The following RERG variants were observed in gnomAD, a reference collection of about 807,000 sequenced individuals.
RERG encodes the protein ras-related and estrogen-regulated growth inhibitor.
A neutral mutation model predicts 23.2 loss-of-function variants in RERG; 25 were observed. The ratio of observed to expected loss-of-function variants is 1.08; its 90% CI spans 0.79 to 1.50. The LOEUF (loss-of-function observed/expected upper bound fraction) is 1.50. Among genes scored for constraint, RERG ranks in the 40% most tolerant of loss-of-function variants. The pLI, the probability that RERG is intolerant of heterozygous loss-of-function variation, is 0.00. For missense variants in RERG, 253 were observed against 250.1 expected, an observed-to-expected ratio of 1.01 and a Z score of -0.08; for synonymous variants, 81 against 89.1, an observed-to-expected ratio of 0.91 and a Z score of 0.51.
intron 2 of RERG, among the ~76,000 whole-genome samples, chr12:15,178,748 C>T (rs1864885848): frequency 6.6e-6 from 1 of 152,152 alleles, no homozygotes; most frequent in Admixed American, 6.5e-5. Context: ...ACAGGAACAA[C>T]CTCCAAGTTC....
At chr12:15,120,632 G>C (rs1270078711) in intron 3 of RERG, among the ~76,000 whole-genome samples, 1 of 152,060 alleles carries the variant, frequency 6.6e-6, no homozygotes, top group African/African-American at 2.4e-5. Context: ...GGATGTATTG[G>C]AGAGAAGAAA....
rs34755371 is a variant in RERG at position 15,139,014 on chromosome 12, C to CTTTTTTTTTT, written c.62-17905_62-17896dup. ...TGAAAGTTGTTCACCTGTGTCTAGA[C>CTTTTTTTTTT]TTTTTTTTTTTTTTTTTTTTTTGCC... On this transcript the variant is annotated intron_variant, in intron 2 of 4. Coordinates refer to ENST00000256953, the MANE Select transcript of RERG (RefSeq NM_032918.3). 2.2e-3 allele frequency among the ~76,000 whole-genome samples: 112 copies of CTTTTTTTTTT among 51,108 alleles called. 2 individuals carry two copies. The highest frequency in any genetic ancestry group is 3.1e-3 in the Non-Finnish European group (83 of 27,212). 33.5% of individuals were successfully genotyped at this position (51,108 alleles called of 152,430 possible).
intron 2 of RERG, among the ~76,000 whole-genome samples, chr12:15,145,701 G>A (rs1174432555): frequency 6.6e-5 from 10 of 152,212 alleles, no homozygotes; most frequent in African/African-American, 4.8e-5. Flanking sequence ...AGTGCTAGGC[G>A]TAAGCCCTTG....
At chr12:15,118,769 G>C (rs1863778442) in intron 3 of RERG, among the ~76,000 whole-genome samples, 2 of 151,104 alleles carry the variant, frequency 1.3e-5, no homozygotes, top group Admixed American at 1.3e-4. Context: ...TTTCCCTTCT[G>C]CCGTGAGTAA....
At chr12:15,111,478 C>T in intron 3 of RERG, 61 bp from the exon 4 acceptor site, 1 of 1,347,370 alleles carries the variant, frequency 7.4e-7, no homozygotes. Context: ...TTAATTTGAT[C>T]CTTAAAACTG....
chr12:15,200,515 C>A (rs1028294951), intron 2 of RERG, among the ~76,000 whole-genome samples: 2 of 151,970 alleles, frequency 1.3e-5, no homozygotes, highest in Non-Finnish European at 2.9e-5. Context: ...TTATTCATGG[C>A]AGATAAAAGA....
Position 15,189,589 on chromosome 12 carries a change from T to C in RERG, c.61+27840A>G, listed in dbSNP as rs1865040706. 2.6e-5 allele frequency among the ~76,000 whole-genome samples: 4 copies of C among 152,180 alleles called. No homozygotes were observed. In the South Asian group the frequency reaches 8.3e-4, roughly 32 times the overall value. ...TATTGAAGTATTAATTTTCTTATTA[T>C]GTCTCTTTCCCTTTAGAATGCAAAT... On this transcript the variant is annotated intron_variant, in intron 2 of 4. Coordinates refer to ENST00000256953, the MANE Select transcript of RERG (RefSeq NM_032918.3).
intron 2 of RERG, among the ~76,000 whole-genome samples, chr12:15,164,197 T>A (rs1052310573): frequency 6.6e-5 from 10 of 152,220 alleles, no homozygotes; most frequent in African/African-American, 2.2e-4. Flanking sequence ...AAGTTTTACA[T>A]AGGGGCTCCA....
chr12:15,215,491 T>C (rs1056378958), intron 2 of RERG, among the ~76,000 whole-genome samples: 30 of 152,184 alleles, frequency 2.0e-4, no homozygotes, highest in African/African-American at 6.0e-4. Context: ...TGTGTGATGA[T>C]AGAAAGAAGT....
At chr12:15,123,979 C>G (rs1397419828) in intron 2 of RERG, among the ~76,000 whole-genome samples, 1 of 152,090 alleles carries the variant, frequency 6.6e-6, no homozygotes, top group Non-Finnish European at 1.5e-5. Flanking sequence ...CTGTTTTCCT[C>G]CTTTTGCCTA....
intron 2 of RERG, among the ~76,000 whole-genome samples, chr12:15,124,804 A>C (rs1389750797): frequency 3.3e-5 from 5 of 151,984 alleles, no homozygotes; most frequent in Non-Finnish European, 7.4e-5. Flanking sequence ...GGAAAAATGT[A>C]ACTAAAAGTG....
At chr12:15,201,755 T>C (rs1415504029) in intron 2 of RERG, among the ~76,000 whole-genome samples, 1 of 151,260 alleles carries the variant, frequency 6.6e-6, no homozygotes, top group Non-Finnish European at 1.5e-5. Context: ...TATTAGTAAT[T>C]GTTAATTACT....
chr12:15,162,428 C>A (rs1864628431), intron 2 of RERG, among the ~76,000 whole-genome samples: 2 of 152,118 alleles, frequency 1.3e-5, no homozygotes, highest in South Asian at 2.1e-4. Flanking sequence ...GCTTAAAATC[C>A]ATAATTAAGA....
intron 2 of RERG, among the ~76,000 whole-genome samples, chr12:15,171,948 C>G (rs1335731067): frequency 6.6e-6 from 1 of 152,108 alleles, no homozygotes; most frequent in African/African-American, 2.4e-5. Flanking sequence ...TTCTTTAAAG[C>G]TACATACAGC....
intron 2 of RERG, among the ~76,000 whole-genome samples, chr12:15,168,056 C>G (rs1415768534): frequency 6.6e-6 from 1 of 152,102 alleles, no homozygotes; most frequent in Non-Finnish European, 1.5e-5. Context: ...GGCTTTTCAC[C>G]TTTTTGTTGG....
intron 2 of RERG, among the ~76,000 whole-genome samples, chr12:15,152,822 A>G (rs1461400777): frequency 6.6e-6 from 1 of 152,152 alleles, no homozygotes; most frequent in Non-Finnish European, 1.5e-5. Context: ...ATATTATTAT[A>G]TTACTCTTTG....
At chr12:15,194,814 A>G (rs1327933848) in intron 2 of RERG, among the ~76,000 whole-genome samples, 1 of 152,082 alleles carries the variant, frequency 6.6e-6, no homozygotes, top group East Asian at 1.9e-4. Context: ...AAATTCACAG[A>G]GGAAATCTTA....
chr12:15,153,388 T>G (rs1223440802), intron 2 of RERG, among the ~76,000 whole-genome samples: 1 of 152,174 alleles, frequency 6.6e-6, no homozygotes, highest in Non-Finnish European at 1.5e-5. Flanking sequence ...TTGATGATCT[T>G]AAATTTCTTA....
intron 2 of RERG, among the ~76,000 whole-genome samples, chr12:15,197,018 T>C (rs1865154582): frequency 6.6e-6 from 1 of 152,180 alleles, no homozygotes; most frequent in South Asian, 2.1e-4. Flanking sequence ...ACTTTGAGTA[T>C]TTATTACGTG....
Sources: allele counts gnomAD v4.1 joint callset (sites outside exome capture counted in the v4.1 genomes callset), GRCh38; gene constraint gnomAD v4.1.1; transcripts MANE v1.5; gene names NCBI Gene and HGNC (gene_info 2026-07-23, HGNC 2026-07-21).